Variants in NOX4 observed in about 807,000 individuals in gnomAD.
The protein encoded by NOX4 is kidney oxidase-1.
A neutral mutation model predicts 87.6 loss-of-function variants in NOX4; 69 were observed. That is an observed-to-expected ratio of 0.79 (90% CI 0.65 to 0.96). The LOEUF (loss-of-function observed/expected upper bound fraction) is 0.96, where lower values mean the gene tolerates loss of function less well. Among genes scored for constraint, NOX4 ranks in the 40% least tolerant of loss-of-function variants. The pLI is 0.00. For missense variants in NOX4, 680 were observed against 681.5 expected (o/e 1.00, Z 0.02); for synonymous variants, 275 against 238.2 (o/e 1.15, Z -1.42).
At chr11:89,398,691 A>C (rs1477542964) in intron 11 of NOX4, among the ~76,000 whole-genome samples, 1 of 151,272 alleles carries the variant, frequency 6.6e-6, no homozygotes, top group Non-Finnish European at 1.5e-5. Flanking sequence ...TATACATACC[A>C]TATATATAAA....
intron 17 of NOX4, among the ~76,000 whole-genome samples, chr11:89,333,225 C>T (rs1247347174): frequency 6.6e-6 from 1 of 151,634 alleles, no homozygotes; most frequent in African/African-American, 2.4e-5. Context: ...TGTCCATGAT[C>T]AAAAGAAGCA....
chr11:89,540,190 C>T, the NOX4 span, among the ~76,000 whole-genome samples: 6 of 152,182 alleles, frequency 3.9e-5, no homozygotes, highest in East Asian at 9.7e-4. Flanking sequence ...GAAAAAGAAG[C>T]CATATAGAAA....
intron 17 of NOX4, among the ~76,000 whole-genome samples, chr11:89,333,380 A>G (rs1369518472): frequency 6.6e-6 from 1 of 151,880 alleles, no homozygotes; most frequent in Admixed American, 6.6e-5. Flanking sequence ...TATATATCAC[A>G]CACACACACA....
chr11:89,562,735 A>G, the NOX4 span, among the ~76,000 whole-genome samples: 40 of 152,244 alleles, frequency 2.6e-4, no homozygotes, highest in South Asian at 7.9e-3. Flanking sequence ...TCATAATTTT[A>G]TGGTGTTAAT....
intron 2 of NOX4, among the ~76,000 whole-genome samples, chr11:89,467,322 GC>G (rs1945740997): frequency 8.4e-6 from 1 of 119,508 alleles, no homozygotes; most frequent in Admixed American, 1.2e-4. Flanking sequence ...TTGCACTCCA[GC>G]CTGGGCGACA....
At chr11:89,571,431 G>C in the NOX4 span, among the ~76,000 whole-genome samples, 2 of 151,780 alleles carry the variant, frequency 1.3e-5, no homozygotes, top group Non-Finnish European at 2.9e-5. Flanking sequence ...TGAGTAACTG[G>C]GACTACAGGC....
chr11:89,555,239 T>G, the NOX4 span, among the ~76,000 whole-genome samples: 1 of 152,020 alleles, frequency 6.6e-6, no homozygotes, highest in South Asian at 2.1e-4. Context: ...ATCCTAACAC[T>G]TTGGAAGGCC....
chr11:89,405,080 T>TTGTGTGTG (rs71472257), intron 8 of NOX4, among the ~76,000 whole-genome samples: 2,938 of 133,260 alleles, frequency 0.022, 112 homozygotes, highest in African/African-American at 0.077. Flanking sequence ...AAAAGTCAGA[T>TTGTGTGTG]TGTGTGTGTG....
rs1250798900 is a variant in NOX4 at position 89,326,716 on chromosome 11, C to T, written c.*40G>A. The stretch of plus-strand genomic sequence containing the variant: ...GAGTTTCAAAGTCTTAGAAATTGCA[C>T]TCATTCCTTCTTTAGAGTCCTGCTT... On this transcript the variant is annotated 3_prime_UTR_variant, in exon 18 of 18. Transcript: ENST00000263317. 2 of 1,589,618 alleles carry T rather than the reference C, an allele frequency of 1.3e-6. No individual in the cohort carries two copies. Among genetic ancestry groups the T allele is most frequent in the Non-Finnish European group, 8.6e-7 (1 of 1,163,150 alleles).
At chr11:89,350,041 A>G (rs1345383928) in intron 13 of NOX4, among the ~76,000 whole-genome samples, 4 of 152,166 alleles carry the variant, frequency 2.6e-5, no homozygotes, top group African/African-American at 9.7e-5. Flanking sequence ...TATTAGATGC[A>G]CATTCTTTTT....
At chr11:89,573,896 T>A in the NOX4 span, among the ~76,000 whole-genome samples, 1 of 152,244 alleles carries the variant, frequency 6.6e-6, no homozygotes, top group Non-Finnish European at 1.5e-5. Context: ...AGTGAGCACG[T>A]GCACTGTCTT....
chr11:89,561,015 T>TATATATACAC, the NOX4 span, among the ~76,000 whole-genome samples: 26 of 80,522 alleles, frequency 3.2e-4, no homozygotes, highest in African/African-American at 9.1e-4. Context: ...TATATATATA[T>TATATATACAC]ATATACATAC....
At chr11:89,405,088 G>A (rs961857432) in intron 8 of NOX4, among the ~76,000 whole-genome samples, 3 of 150,802 alleles carry the variant, frequency 2.0e-5, no homozygotes, top group Non-Finnish European at 4.4e-5. Flanking sequence ...GATTGTGTGT[G>A]TGTGTGTGTG....
Position 89,444,189 on chromosome 11 carries a change from T to A in NOX4, c.393A>T (p.Ser131=). The part of the protein sequence containing the change: ...AAHLVNALNF[S]VNYSEDFVEL... ...CAACAAAGTCTTCACTGTAATTCAC[T>A]GAGAAGTTGAGGGCATTCACCAGAT... Residue 131 remains serine (S), a synonymous_variant, in exon 5 of 18, where the codon TCA becomes TCT. Coordinates refer to ENST00000263317, the MANE Select transcript of NOX4 (RefSeq NM_016931.5). 6.2e-7 allele frequency: 1 copy of A among 1,613,626 alleles called. No homozygotes were observed. Among genetic ancestry groups the A allele is most frequent in the African/African-American group, 1.3e-5 (1 of 74,948 alleles).
chr11:89,469,916 T>C (rs1945855418), intron 2 of NOX4, among the ~76,000 whole-genome samples: 2 of 152,002 alleles, frequency 1.3e-5, no homozygotes, highest in Non-Finnish European at 2.9e-5. Context: ...TTGTTATTCC[T>C]TAGGTCTCGG....
the NOX4 span, among the ~76,000 whole-genome samples, chr11:89,525,834 CTA>C: frequency 1.1e-3 from 160 of 152,062 alleles, no homozygotes; most frequent in Middle Eastern, 3.4e-3. Context: ...TCTATAAATT[CTA>C]TGTTTAGATT....
intron 4 of NOX4, among the ~76,000 whole-genome samples, chr11:89,448,476 T>G (rs757632517): frequency 6.6e-5 from 10 of 152,292 alleles, no homozygotes; most frequent in Middle Eastern, 3.4e-3. Context: ...AAGATAAAGC[T>G]TCAGAAATTT....
intron 3 of NOX4, among the ~76,000 whole-genome samples, chr11:89,451,123 T>G (rs1176245011): frequency 1.3e-5 from 2 of 149,234 alleles, no homozygotes; most frequent in African/African-American, 4.9e-5. Context: ...AAATGACGAG[T>G]TAATGGGTAC....
chr11:89,485,518 A>G (rs1237115544), intron 2 of NOX4, among the ~76,000 whole-genome samples: 1 of 152,070 alleles, frequency 6.6e-6, no homozygotes, highest in South Asian at 2.1e-4. Flanking sequence ...AATGTAAAAA[A>G]CGCAACTCAA....
Sources: gnomAD v4.1 joint callset for allele counts (sites outside exome capture counted in the v4.1 genomes callset) on GRCh38, gnomAD v4.1.1 for gene constraint, MANE v1.5 for transcripts, NCBI Gene and HGNC (gene_info 2026-07-23, HGNC 2026-07-21) for gene names.